TNFRSF8: variants seen among roughly 807,000 people sequenced by gnomAD.
The protein encoded by TNFRSF8 is TNF receptor superfamily member 8.
A neutral mutation model predicts 70.8 loss-of-function variants in TNFRSF8; 26 were observed. The ratio of observed to expected loss-of-function variants is 0.37; its 90% CI spans 0.27 to 0.51. The LOEUF is 0.51. Ranked by LOEUF, TNFRSF8 falls within the 20% of genes least tolerant of loss-of-function variation. TNFRSF8 has a pLI of 0.94. For synonymous variants in TNFRSF8, 356 were observed against 339.2 expected (o/e 1.05, Z -0.54); for missense variants, 720 against 807.9 (o/e 0.89, Z 1.32).
intron 1 of TNFRSF8, among the ~76,000 whole-genome samples, chr1:12,073,556 CTTTCCCTTTCCT>C (rs1391661396): frequency 2.7e-5 from 4 of 148,684 alleles, no homozygotes; most frequent in Non-Finnish European, 1.5e-5. Context: ...TTCGTTTTCC[CTTTCCCTTTCCT>C]TTTCCCTTTC....
At chr1:12,096,389 A>C (rs1203412741) in intron 2 of TNFRSF8, among the ~76,000 whole-genome samples, 2 of 150,854 alleles carry the variant, frequency 1.3e-5, no homozygotes, top group Admixed American at 6.7e-5. Flanking sequence ...TTAGTCTAAC[A>C]CTAAGGATAG....
In TNFRSF8 at chr1:12,112,156, T is replaced by G; in HGVS notation, c.793+142T>G. The G allele has an allele frequency of 1.6e-6, 1 of 606,338 alleles. No individual in the cohort carries two copies. Among genetic ancestry groups the G allele is most frequent in the Non-Finnish European group, 2.9e-6 (1 of 343,244 alleles). 37.6% of individuals were successfully genotyped at this position (606,338 alleles called of 1,614,324 possible). ...CAGAGGGCTTCCATTGGCATATTAT[T>G]TCCTTCCAGGAAGCGTTTGTGAATC... On this transcript the variant is annotated intron_variant, in intron 7 of 14. Transcript: ENST00000263932. This position sits in a 1 kb window ranked among gnomAD's most constrained non-coding sequence, Gnocchi z 5.3.
intron 2 of TNFRSF8, among the ~76,000 whole-genome samples, chr1:12,092,540 C>T (rs1228484913): frequency 5.4e-5 from 8 of 147,170 alleles, no homozygotes; most frequent in Non-Finnish European, 8.9e-5. Context: ...CAGAGTCTCA[C>T]TCTGTAACCC....
intron 1 of TNFRSF8, among the ~76,000 whole-genome samples, chr1:12,082,882 C>A (rs534264997): frequency 6.6e-6 from 1 of 151,714 alleles, no homozygotes. Flanking sequence ...CCAGAGGATG[C>A]GAGAAGATAC....
intron 2 of TNFRSF8, among the ~76,000 whole-genome samples, chr1:12,089,326 T>G (rs1570008170): frequency 6.6e-6 from 1 of 152,172 alleles, no homozygotes; most frequent in East Asian, 1.9e-4. Context: ...AATAGGTGAA[T>G]GAATGAATAT....
intron 7 of TNFRSF8, among the ~76,000 whole-genome samples, chr1:12,114,591 G>A (rs531507836): frequency 5.3e-5 from 8 of 151,222 alleles, no homozygotes; most frequent in Admixed American, 5.3e-4. Flanking sequence ...ACCTCTAAGT[G>A]GAGCGTTGCA....
Position 12,138,555 on chromosome 1 carries a change from G to A in TNFRSF8, c.1543+119G>A. On this transcript the variant is annotated intron_variant, in intron 14 of 14. Coordinates refer to ENST00000263932, the MANE Select transcript of TNFRSF8 (RefSeq NM_001243.5). This position sits in a 1 kb window ranked among gnomAD's most constrained non-coding sequence, Gnocchi z 5.7. Reference sequence around the variant, plus strand: ...TGGAGTTGAAAGGCCCAGGAAAGGAGAGGCATAGATTCTTCACCCCAATTG... The same window carrying A: ...TGGAGTTGAAAGGCCCAGGAAAGGAAAGGCATAGATTCTTCACCCCAATTG... The A allele has an allele frequency of 1.1e-5, 11 of 1,029,922 alleles. No individual in the cohort carries two copies. The highest frequency in any genetic ancestry group is 1.5e-5 in the Non-Finnish European group (11 of 717,196). 63.8% of individuals were successfully genotyped at this position (1,029,922 alleles called of 1,614,324 possible).
chr1:12,139,954 C>A (rs1345690369), intron 14 of TNFRSF8, among the ~76,000 whole-genome samples: 1 of 152,212 alleles, frequency 6.6e-6, no homozygotes, highest in African/African-American at 2.4e-5. Context: ...TCTTTTGTAA[C>A]AAACTGAAGC....
At chr1:12,087,383 G>A (rs909311294) in intron 2 of TNFRSF8, among the ~76,000 whole-genome samples, 1 of 152,018 alleles carries the variant, frequency 6.6e-6, no homozygotes, top group African/African-American at 2.4e-5. Flanking sequence ...GGCCAGGCTG[G>A]TCTTCAACTC....
At chr1:12,093,053 G>T (rs910658464) in intron 2 of TNFRSF8, among the ~76,000 whole-genome samples, 1 of 152,080 alleles carries the variant, frequency 6.6e-6, no homozygotes, top group Non-Finnish European at 1.5e-5. Context: ...TGATCTGCCC[G>T]CCTCGGCCTC....
At chr1:12,130,203 G>A (rs888962816) in intron 12 of TNFRSF8, among the ~76,000 whole-genome samples, 2 of 152,126 alleles carry the variant, frequency 1.3e-5, no homozygotes, top group Non-Finnish European at 2.9e-5. Flanking sequence ...CTGCCACCGC[G>A]CCCAGCCCAG....
intron 7 of TNFRSF8, 143 bp from the exon 8 acceptor site, chr1:12,115,434 G>A: frequency 1.1e-6 from 1 of 924,118 alleles, no homozygotes; most frequent in Non-Finnish European, 1.8e-6. Context: ...TGGGAGAGCT[G>A]CTCAACGGCA....
At chr1:12,099,220 G>A (rs976726006) in intron 3 of TNFRSF8, among the ~76,000 whole-genome samples, 5 of 151,748 alleles carry the variant, frequency 3.3e-5, no homozygotes, top group Non-Finnish European at 7.4e-5. Context: ...GTGCAATCTC[G>A]GCTCACTACA....
At chr1:12,121,153 T>A (rs759098087) in intron 8 of TNFRSF8, among the ~76,000 whole-genome samples, 1 of 152,158 alleles carries the variant, frequency 6.6e-6, no homozygotes, top group Non-Finnish European at 1.5e-5. Flanking sequence ...AAATACTGAT[T>A]AACGAGCATG....
intron 2 of TNFRSF8, among the ~76,000 whole-genome samples, chr1:12,093,585 G>A (rs536192142): frequency 6.6e-6 from 1 of 152,184 alleles, no homozygotes; most frequent in South Asian, 2.1e-4. Flanking sequence ...TCGTTGTCCA[G>A]GCTGGGGTGC....
intron 12 of TNFRSF8, among the ~76,000 whole-genome samples, chr1:12,131,029 C>T (rs1642038453): frequency 6.6e-6 from 1 of 152,196 alleles, no homozygotes. Context: ...CGGTATTGAA[C>T]TCTGACTTTC....
At chr1:12,120,544 C>T (rs780076786) in intron 8 of TNFRSF8, among the ~76,000 whole-genome samples, 8 of 152,168 alleles carry the variant, frequency 5.3e-5, no homozygotes, top group Admixed American at 3.3e-4. Context: ...TGATTTTAAG[C>T]GATTGCTGGA....
At chr1:12,067,128 T>G (rs867337097) in intron 1 of TNFRSF8, among the ~76,000 whole-genome samples, 10 of 152,198 alleles carry the variant, frequency 6.6e-5, no homozygotes, top group Non-Finnish European at 1.3e-4. Flanking sequence ...CAGGATTAAC[T>G]GGTGCATATC....
rs1422111635 is a variant in TNFRSF8, at chr1:12,111,979, C to T, written c.758C>T (p.Ala253Val). ...QCEPDYYLDE[A>V]GRCTACVSCS... is the part of the protein sequence containing the mutation. The stretch of plus-strand genomic sequence containing the variant: ...GAGCCCGACTACTACCTGGACGAGG[C>T]CGGCCGCTGCACGGCCTGCGTGAGC... Residue 253 changes from alanine (A) to valine (V), a missense_variant, in exon 7 of 15, where the codon GCC becomes GTC. By Grantham distance (64) the Ala-to-Val change is moderately conservative. Coordinates refer to ENST00000263932, the MANE Select transcript of TNFRSF8 (RefSeq NM_001243.5). 1 of 1,614,102 alleles carries T rather than the reference C, an allele frequency of 6.2e-7. No homozygotes were observed. Among genetic ancestry groups the T allele is most frequent in the African/African-American group, 1.3e-5 (1 of 74,950 alleles).
Sources: allele counts gnomAD v4.1 joint callset (sites outside exome capture counted in the v4.1 genomes callset), GRCh38; gene constraint gnomAD v4.1.1; non-coding constraint Gnocchi (gnomAD v3.1); transcripts MANE v1.5; gene names NCBI Gene and HGNC (gene_info 2026-07-23, HGNC 2026-07-21).